The following ELK3 variants were observed in gnomAD, a reference collection of about 807,000 sequenced individuals.
The protein encoded by ELK3 is ETS domain-containing protein Elk-3.
ELK3 carries 10 observed loss-of-function variants against 28.9 expected under a neutral mutation model. The ratio of observed to expected loss-of-function variants is 0.35; its 90% confidence interval spans 0.21 to 0.59. ELK3 has a LOEUF of 0.59. ELK3 is among the 20% of genes least tolerant of loss of function. The pLI, the probability that ELK3 is intolerant of heterozygous loss-of-function variation, is 0.82. For synonymous variants in ELK3, 272 were observed against 243.5 expected (o/e 1.12, Z -1.09); for missense variants, 463 against 517.3 (o/e 0.90, Z 1.02).
chr12:96,236,589 C>CGT (rs950633670), intron 2 of ELK3, among the ~76,000 whole-genome samples: 31 of 152,040 alleles, frequency 2.0e-4, no homozygotes, highest in African/African-American at 6.3e-4. Flanking sequence ...TGGGTGTGTA[C>CGT]GTGTGTGTGT....
At chr12:96,199,745 C>G (rs188599813) in intron 1 of ELK3, among the ~76,000 whole-genome samples, 2,050 of 152,250 alleles carry the variant, frequency 0.013, 44 homozygotes, top group Admixed American at 0.056. Context: ...GGAATAAAGT[C>G]ATTGACTACT....
Position 96,239,376 on chromosome 12 carries a change from CT to C in ELK3, c.208-7563del, listed in dbSNP as rs748919416. 3.3e-5 allele frequency among the ~76,000 whole-genome samples: 5 copies of C among 152,132 alleles called. No homozygotes were observed. In the East Asian group the frequency reaches 9.6e-4, roughly 29 times the overall value. ...GGAAGTGTTAGCAATGTCGTGTCCC[CT>C]GAAGTAGCTACGTGGTATTCCATTG... On this transcript the variant is annotated intron_variant, in intron 2 of 4. Coordinates refer to ENST00000228741, the MANE Select transcript of ELK3 (RefSeq NM_005230.4).
Position 96,223,623 on chromosome 12 carries a change from A to G in ELK3, c.57A>G (p.Lys19=). The change falls in exon 2 of 5, where the codon AAA becomes AAG. Residue 19 remains lysine (K), a synonymous_variant. Coordinates refer to ENST00000228741, the MANE Select transcript of ELK3 (RefSeq NM_005230.4). ...QFLLQLLLDQ[K]HEHLICWTSN... ...TGTTGCAGTTGCTGCTGGATCAGAA[A>G]CATGAGCATTTGATCTGCTGGACCT... 1 of 1,614,212 alleles carries G rather than the reference A, an allele frequency of 6.2e-7. No individual in the cohort carries two copies. The highest frequency in any genetic ancestry group is 8.5e-7 in the Non-Finnish European group (1 of 1,180,030).
At chr12:96,252,921 G>A (rs571439751) in intron 3 of ELK3, among the ~76,000 whole-genome samples, 13 of 152,240 alleles carry the variant, frequency 8.5e-5, no homozygotes, top group Non-Finnish European at 1.3e-4. Context: ...TGGGTAAAAT[G>A]CTATCAAACA....
chr12:96,221,685 G>A (rs575286396), intron 1 of ELK3, among the ~76,000 whole-genome samples: 1 of 152,288 alleles, frequency 6.6e-6, no homozygotes, highest in Admixed American at 6.5e-5. Flanking sequence ...GTTGGGACTC[G>A]TCAGCTGCCA....
chr12:96,239,259 CAT>C (rs1444006975), intron 2 of ELK3, among the ~76,000 whole-genome samples: 4 of 152,196 alleles, frequency 2.6e-5, no homozygotes, highest in East Asian at 3.9e-4. Flanking sequence ...CAGTAGAAAA[CAT>C]ATAAATATAT....
At chr12:96,254,338 T>C (rs116865243) in intron 3 of ELK3, among the ~76,000 whole-genome samples, 2,239 of 152,142 alleles carry the variant, frequency 0.015, 23 homozygotes, top group Non-Finnish European at 0.022. Flanking sequence ...GATAAATAAG[T>C]AAATAAACAG....
intron 1 of ELK3, among the ~76,000 whole-genome samples, chr12:96,201,317 A>G (rs1487374164): frequency 6.6e-6 from 1 of 152,098 alleles, no homozygotes; most frequent in African/African-American, 2.4e-5. Flanking sequence ...CTTTAGCCTG[A>G]TGGTAAAGTA....
intron 1 of ELK3, chr12:96,197,918 A>G (rs990515999): frequency 2.6e-5 from 4 of 152,168 alleles, no homozygotes; most frequent in African/African-American, 7.2e-5. Context: ...GTTTTAAAGG[A>G]CTTCCAGGCA....
At chr12:96,220,382 A>ATTTTTTTTTTTTTTTTTTTTTTTTTTT in intron 1 of ELK3, among the ~76,000 whole-genome samples, 1 of 100,344 alleles carries the variant, frequency 1.0e-5, no homozygotes, top group Non-Finnish European at 1.8e-5. Context: ...CTTTTTCGTG[A>ATTTTTTTTTTTTTTTTTTTTTTTTTTT]TTTTTTTTTT....
At chr12:96,227,775 C>A (rs1391992396) in intron 2 of ELK3, among the ~76,000 whole-genome samples, 1 of 152,206 alleles carries the variant, frequency 6.6e-6, no homozygotes, top group Non-Finnish European at 1.5e-5. Flanking sequence ...GGGTTTGAAT[C>A]CAGCTCCATG....
chr12:96,234,371 A>G (rs1186111833), intron 2 of ELK3, among the ~76,000 whole-genome samples: 3 of 152,172 alleles, frequency 2.0e-5, no homozygotes, highest in Admixed American at 2.0e-4. Context: ...GCCCAAGCCC[A>G]CACCGAGTCT....
intron 1 of ELK3, chr12:96,198,106 A>ATG (rs1386333917): frequency 6.6e-6 from 1 of 152,224 alleles, no homozygotes; most frequent in East Asian, 1.9e-4. Context: ...CTATCCAAGA[A>ATG]TGTGACTTCC....
chr12:96,234,036 C>G (rs952722550), intron 2 of ELK3, among the ~76,000 whole-genome samples: 8 of 152,168 alleles, frequency 5.3e-5, no homozygotes, highest in African/African-American at 1.9e-4. Context: ...TGCTTAGAGA[C>G]CTGTGGAGTG....
chr12:96,218,113 G>A (rs1252805334), intron 1 of ELK3, among the ~76,000 whole-genome samples: 1 of 152,086 alleles, frequency 6.6e-6, no homozygotes. Context: ...AGGAGTTGGG[G>A]CAAGTAACAG....
At chr12:96,266,038 A>G (rs1284861830) in intron 4 of ELK3, among the ~76,000 whole-genome samples, 1 of 152,216 alleles carries the variant, frequency 6.6e-6, no homozygotes, top group Non-Finnish European at 1.5e-5. Context: ...AGCCAACAGA[A>G]CTTATTTGAA....
rs566275451 is a variant in ELK3 at position 96,263,741 on chromosome 12, G to A, written c.1126-3341G>A. ...CGAGTACATTTAGATGAATAGAGCC[G>A]AATGACGGGGACGTGAGAGTCTGTT... On this transcript the variant is annotated intron_variant, in intron 4 of 4. Coordinates refer to ENST00000228741, the MANE Select transcript of ELK3 (RefSeq NM_005230.4). 6.6e-5 allele frequency among the ~76,000 whole-genome samples: 10 copies of A among 152,332 alleles called. No individual in the cohort carries two copies. In the East Asian group the frequency reaches 9.6e-4, roughly 15 times the overall value.
At chr12:96,196,470 G>T (rs973333841) in intron 1 of ELK3, among the ~76,000 whole-genome samples, 2 of 152,054 alleles carry the variant, frequency 1.3e-5, no homozygotes, top group Admixed American at 1.3e-4. Flanking sequence ...AGCCGAAATC[G>T]ATTTGTGAGC....
intron 1 of ELK3, among the ~76,000 whole-genome samples, chr12:96,208,962 G>A (rs1453656798): frequency 6.6e-6 from 1 of 152,200 alleles, no homozygotes; most frequent in Non-Finnish European, 1.5e-5. Context: ...GCACAGCTGT[G>A]CAGACTTCCC....
Sources: gnomAD v4.1 joint callset for allele counts (sites outside exome capture counted in the v4.1 genomes callset) on GRCh38, gnomAD v4.1.1 for gene constraint, MANE v1.5 for transcripts, NCBI Gene and HGNC (gene_info 2026-07-23, HGNC 2026-07-21) for gene names.